CNTNAP2: variants seen among roughly 807,000 people sequenced by gnomAD.
CNTNAP2 encodes contactin associated protein 2, also known as contactin-associated protein-like 2.
In CNTNAP2, 98 loss-of-function variants were observed where a neutral mutation model predicts 155.2. The ratio of observed to expected loss-of-function variants is 0.63; its 90% confidence interval spans 0.54 to 0.75. The LOEUF (loss-of-function observed/expected upper bound fraction) is 0.75, where lower values mean the gene tolerates loss of function less well. CNTNAP2 is among the 30% of genes least tolerant of loss of function. The pLI, the probability that CNTNAP2 is intolerant of heterozygous loss-of-function variation, is 0.00. For missense variants in CNTNAP2, 1,727 were observed against 1,688.1 expected (o/e 1.02, Z -0.40); for synonymous variants, 651 against 631.2 (o/e 1.03, Z -0.47).
At chr7:146,725,045 G>C (rs561508268) in intron 1 of CNTNAP2, among the ~76,000 whole-genome samples, 1 of 152,018 alleles carries the variant, frequency 6.6e-6, no homozygotes, top group Non-Finnish European at 1.5e-5. Context: ...CTCTGTTCCC[G>C]GCCTTTCTCC....
intron 13 of CNTNAP2, among the ~76,000 whole-genome samples, chr7:147,813,959 G>A (rs117612857): frequency 2.1e-3 from 316 of 152,142 alleles, no homozygotes; most frequent in Non-Finnish European, 2.6e-3. Flanking sequence ...CTAAAAAGTC[G>A]ACAAGCTCAA....
intron 15 of CNTNAP2, among the ~76,000 whole-genome samples, chr7:148,005,668 C>T (rs1801964115): frequency 6.6e-6 from 1 of 152,066 alleles, no homozygotes; most frequent in South Asian, 2.1e-4. Context: ...ATACAAATGT[C>T]TTCCCTCCAA....
At chr7:146,761,919 C>T (rs555935957) in intron 1 of CNTNAP2, among the ~76,000 whole-genome samples, 6 of 152,072 alleles carry the variant, frequency 3.9e-5, no homozygotes, top group South Asian at 2.1e-4. Flanking sequence ...TTTTTCAAAT[C>T]GCCACTTCAA....
At chr7:146,677,714 G>A (rs1435305687) in intron 1 of CNTNAP2, among the ~76,000 whole-genome samples, 1 of 151,608 alleles carries the variant, frequency 6.6e-6, no homozygotes, top group Non-Finnish European at 1.5e-5. Context: ...GGAGAAAGAG[G>A]CAGTTCCTGA....
At chr7:147,997,504 CGAGA>C (rs1157037718) in intron 15 of CNTNAP2, among the ~76,000 whole-genome samples, 44 of 150,498 alleles carry the variant, frequency 2.9e-4, no homozygotes, top group Non-Finnish European at 5.2e-4. Context: ...TGTGGTGAGC[CGAGA>C]TCACGCCATT....
intron 12 of CNTNAP2, among the ~76,000 whole-genome samples, chr7:147,565,799 CT>C (rs78606893): frequency 0.27 from 41,404 of 151,960 alleles, 5,789 homozygotes; most frequent in Non-Finnish European, 0.3. Context: ...TACTTTTGAC[CT>C]AATTAAATGT....
chr7:147,732,668 T>C (rs1796763840), intron 13 of CNTNAP2, among the ~76,000 whole-genome samples: 1 of 152,202 alleles, frequency 6.6e-6, no homozygotes, highest in Admixed American at 6.5e-5. Flanking sequence ...GTAAAAGTGT[T>C]CCTATTTCTC....
intron 1 of CNTNAP2, among the ~76,000 whole-genome samples, chr7:146,670,722 C>G (rs1250170028): frequency 6.6e-6 from 1 of 152,102 alleles, no homozygotes; most frequent in East Asian, 1.9e-4. Context: ...AGTACTGCCA[C>G]AATTCCAAGC....
chr7:147,880,854 GGTGTGTGTGTGTGT>G (rs71183032), intron 13 of CNTNAP2, among the ~76,000 whole-genome samples: 8 of 143,180 alleles, frequency 5.6e-5, no homozygotes, highest in African/African-American at 1.8e-4. Context: ...ATTGGAGTTG[GGTGTGTGTGTGTGT>G]GTGTGTGTGT....
At chr7:146,472,586 T>C (rs1159217161) in intron 1 of CNTNAP2, among the ~76,000 whole-genome samples, 1 of 152,194 alleles carries the variant, frequency 6.6e-6, no homozygotes, top group Admixed American at 6.5e-5. Context: ...TATGAAAAAG[T>C]AAAATCACTA....
intron 1 of CNTNAP2, among the ~76,000 whole-genome samples, chr7:146,429,976 T>A (rs1796148886): frequency 6.6e-6 from 1 of 152,182 alleles, no homozygotes; most frequent in African/African-American, 2.4e-5. Flanking sequence ...TCTATTGAGA[T>A]AATCACATAG....
At chr7:147,868,746 G>T (rs1490146130) in intron 13 of CNTNAP2, among the ~76,000 whole-genome samples, 2 of 152,234 alleles carry the variant, frequency 1.3e-5, no homozygotes, top group African/African-American at 4.8e-5. Context: ...CTAGCAGTGA[G>T]CAAGGCTCCA....
intron 1 of CNTNAP2, among the ~76,000 whole-genome samples, chr7:146,721,220 ATATATATTCTCTATATACTCTCTC>A (rs1585057860): frequency 2.4e-5 from 3 of 127,266 alleles, no homozygotes; most frequent in Non-Finnish European, 3.2e-5. Context: ...TATATTCTCT[ATATATATTCTCTATATACTCTCTC>A]TATATTCTCT....
intron 12 of CNTNAP2, among the ~76,000 whole-genome samples, chr7:147,629,521 A>G (rs1795047020): frequency 6.6e-6 from 1 of 151,798 alleles, no homozygotes; most frequent in African/African-American, 2.4e-5. Context: ...CAACTGCAGG[A>G]TATACATTAC....
chr7:146,451,857 A>ATATACATACGTG (rs1554435318), intron 1 of CNTNAP2, among the ~76,000 whole-genome samples: 1 of 128,614 alleles, frequency 7.8e-6, no homozygotes, highest in Admixed American at 7.8e-5. Context: ...CACGTATTCT[A>ATATACATACGTG]TATATATATA....
intron 1 of CNTNAP2, among the ~76,000 whole-genome samples, chr7:146,213,326 A>G (rs975405926): frequency 6.6e-6 from 1 of 152,182 alleles, no homozygotes; most frequent in African/African-American, 2.4e-5. Context: ...AGCCTTGGCT[A>G]TTGATCAACC....
At chr7:146,930,472 C>T (rs1585164142) in intron 3 of CNTNAP2, among the ~76,000 whole-genome samples, 1 of 152,156 alleles carries the variant, frequency 6.6e-6, no homozygotes, top group South Asian at 2.1e-4. Flanking sequence ...TGGTACCAGC[C>T]ACTGCAAAAT....
At chr7:147,791,706 A>AG (rs1459155098) in intron 13 of CNTNAP2, among the ~76,000 whole-genome samples, 1 of 152,108 alleles carries the variant, frequency 6.6e-6, no homozygotes, top group Non-Finnish European at 1.5e-5. Context: ...CTCAGCTAGC[A>AG]GGAAAACTCC....
At chr7:146,569,408 C>T (rs974232020) in intron 1 of CNTNAP2, among the ~76,000 whole-genome samples, 3 of 152,132 alleles carry the variant, frequency 2.0e-5, no homozygotes, top group African/African-American at 4.8e-5. Context: ...TATTCCATGC[C>T]CAATTACATA....
Sources: allele counts gnomAD v4.1 joint callset (sites outside exome capture counted in the v4.1 genomes callset), GRCh38; gene constraint gnomAD v4.1.1; transcripts MANE v1.5; gene names NCBI Gene and HGNC (gene_info 2026-07-23, HGNC 2026-07-21).